The following KMT2B variants were observed in gnomAD, a reference collection of about 807,000 sequenced individuals.
The protein encoded by KMT2B is histone-lysine N-methyltransferase 2B.
Under a neutral mutation model 255.3 loss-of-function variants are expected in KMT2B, and 22 were observed. That is an observed-to-expected ratio of 0.09 (90% CI 0.06 to 0.12). The LOEUF is 0.12. KMT2B is among the 10% of genes least tolerant of loss of function. The pLI is 1.00. For synonymous variants in KMT2B, 1,730 were observed against 1,498.1 expected (o/e 1.15, Z -3.57); for missense variants, 3,149 against 3,737.0 (o/e 0.84, Z 4.10).
In KMT2B at chr19:35,737,573, C is replaced by A; in HGVS notation, c.7551-63C>A. On this transcript the variant is annotated intron_variant, in intron 33 of 36. Coordinates refer to ENST00000420124, the MANE Select transcript of KMT2B (RefSeq NM_014727.3). This position sits in a 1 kb window ranked among gnomAD's most constrained non-coding sequence, Gnocchi z 5.3. ...GCTGACATCAGAAAAATGAACCCCA[C>A]CCATTTCCCTGTTAGCTCTGTCTTC... 1 of 1,088,676 alleles carries A rather than the reference C, an allele frequency of 9.2e-7. No individual in the cohort carries two copies. Among genetic ancestry groups the A allele is most frequent in the South Asian group, 1.5e-5 (1 of 65,600 alleles). The allele number at this position is 1,088,676 out of a possible 1,614,324, so 67.4% of individuals were successfully genotyped here.
chr19:35,733,486 G>A lies in KMT2B; in HGVS notation c.6937G>A (p.Val2313Ile), dbSNP rs1400709490. 5 of 1,565,706 alleles carry A rather than the reference G, an allele frequency of 3.2e-6. No homozygotes were observed. The highest frequency in any genetic ancestry group is 2.7e-5 in the African/African-American group (2 of 73,476). ...AGAGGCCTCAGAGGATACCCCTCAG[G>A]TTCCAGGGCTTGGCAGTGGCGGGTG... ...DGEASEDTPQ[V>I]PGLGSGGFSR... The change falls in exon 28 of 37, where the codon GTT becomes ATT. Residue 2313 changes from valine (V) to isoleucine (I), a missense_variant. Transcript: ENST00000420124. The surrounding 1 kb of genome is among the most constrained non-coding windows in gnomAD (Gnocchi z 4.3).
Position 35,738,001 on chromosome 19 carries a change from G to T in KMT2B, c.7742+59G>T, listed in dbSNP as rs79019641. ...GTGGACGGACAGGTGCACTGGGTAG[G>T]GGGTACTGTCTGGTTTCTGTCCCCC... is the stretch of plus-strand genomic sequence containing the variant. On this transcript the variant is annotated intron_variant, in intron 35 of 36. Transcript: ENST00000420124. This position sits in a 1 kb window ranked among gnomAD's most constrained non-coding sequence, Gnocchi z 8.7. 6.2e-7 allele frequency: 1 copy of T among 1,612,100 alleles called. No individual in the cohort carries two copies. The highest frequency in any genetic ancestry group is 8.5e-7 in the Non-Finnish European group (1 of 1,179,116).
chr19:35,728,429 G>A (rs1236983584), intron 19 of KMT2B, among the ~76,000 whole-genome samples: 2 of 152,184 alleles, frequency 1.3e-5, no homozygotes, highest in African/African-American at 4.8e-5. Context: ...TCATTGTGGA[G>A]CCGGGCAGGC....
chr19:35,730,141 G>A lies in KMT2B; in HGVS notation c.5076+16G>A, dbSNP rs373432412. ...GGATGGCAAGGTGGGCCAGAACTGT[G>A]GGGTACACGGTTCCTTCCCCACCTC... On this transcript the variant is annotated intron_variant, in intron 23 of 36. Coordinates refer to ENST00000420124, the MANE Select transcript of KMT2B (RefSeq NM_014727.3). The A allele has an allele frequency of 1.9e-5, 31 of 1,613,376 alleles. No homozygotes were observed. The highest frequency in any genetic ancestry group is 3.3e-5 in the Admixed American group (2 of 59,938).
chr19:35,722,469 C>T lies in KMT2B; in HGVS notation c.2568C>T (p.Pro856=), dbSNP rs1599674583. The change falls in exon 4 of 37, where the codon CCC becomes CCT. Residue 856 remains proline (P), a synonymous_variant. Transcript: ENST00000420124. ...DESVEAKRER[P]SGPESPVQGP... ...CGGTGGAAGCTAAGAGAGAGCGGCC[C>T]TCAGTATGCATCGGGAGGAGGGCCC... The T allele has an allele frequency of 1.2e-6, 2 of 1,607,408 alleles. No homozygotes were observed. The highest frequency in any genetic ancestry group is 2.2e-5 in the East Asian group (1 of 44,866).
In KMT2B at chr19:35,733,792, C is replaced by T. The variant is rs764060591; in HGVS notation, c.7079C>T (p.Pro2360Leu). 1.2e-6 allele frequency: 2 copies of T among 1,613,676 alleles called. No homozygotes were observed. Among genetic ancestry groups the T allele is most frequent in the East Asian group, 2.2e-5 (1 of 44,852 alleles). Residue 2360 changes from proline to leucine, a missense_variant, in exon 30 of 37, where the codon CCA becomes CTA. Pro to Leu is a moderately conservative substitution (Grantham distance 98). Around this residue, in one of 18 missense-constraint regions of KMT2B, gnomAD observed 897 missense variants for 825.3 expected, o/e 1.09. Transcript: ENST00000420124. The surrounding 1 kb of genome is among the most constrained non-coding windows in gnomAD (Gnocchi z 4.3). ...CTCCAGGAACGGTCCCCTTTGCTGC[C>T]ACTTCCGGAAGATGGTCCTCCCCAG... ...GPLQERSPLLPLPEDGPPQVP... is the reference protein window; with the variant it reads ...GPLQERSPLLLLPEDGPPQVP...
Position 35,728,970 on chromosome 19 carries a change from A to C in KMT2B, c.4688-15A>C, listed in dbSNP as rs79812110. On this transcript the variant is annotated splice_polypyrimidine_tract_variant and intron_variant, in intron 20 of 36. Coordinates refer to ENST00000420124, the MANE Select transcript of KMT2B (RefSeq NM_014727.3). ...GGTCCTGATTCTTAGACCTCCCTTCACATTTCCTCTTCAGCATTCCAGGGC... is the reference window on the plus strand; with the variant it reads ...GGTCCTGATTCTTAGACCTCCCTTCCCATTTCCTCTTCAGCATTCCAGGGC... 8.0e-4 allele frequency: 1,287 copies of C among 1,613,752 alleles called. 2 individuals carry two copies. The Middle Eastern group carries it at 0.014, about 17-fold the overall frequency.
rs766234703 is a variant in KMT2B, at chr19:35,721,176, G to A, written c.1829G>A (p.Arg610His). 5.8e-6 allele frequency: 9 copies of A among 1,559,394 alleles called. No individual in the cohort carries two copies. The highest frequency in any genetic ancestry group is 1.9e-5 in the Admixed American group (1 of 52,660). Reference protein sequence around the residue: ...RRSILREPTFRWTSLTRELPP... With the variant: ...RRSILREPTFHWTSLTRELPP... ...TCCATCCTAAGGGAACCCACATTTC[G>A]CTGGACCTCACTGACCCGGGAGCTG... The change falls in exon 3 of 37, where the codon CGC becomes CAC. Residue 610 changes from arginine (R) to histidine (H), a missense_variant. Coordinates refer to ENST00000420124, the MANE Select transcript of KMT2B (RefSeq NM_014727.3).
rs1302665067 is a variant in KMT2B at position 35,725,210 on chromosome 19, C to G, written c.3529-10C>G. 1 of 1,609,788 alleles carries G rather than the reference C, an allele frequency of 6.2e-7. No individual in the cohort carries two copies. The highest frequency in any genetic ancestry group is 1.3e-5 in the African/African-American group (1 of 74,834). ...GCGGCCCTCTGATCCTGCATCCTCT[C>G]TTCCCCCAGGAGGATTGTGATTTAG... On this transcript the variant is annotated splice_polypyrimidine_tract_variant and intron_variant, in intron 10 of 36. Transcript: ENST00000420124. This position sits in a 1 kb window ranked among gnomAD's most constrained non-coding sequence, Gnocchi z 4.1.
chr19:35,722,287 G>T, intron 3 of KMT2B, 72 bp from the exon 4 acceptor site: 3 of 1,456,268 alleles, frequency 2.1e-6, no homozygotes, highest in Non-Finnish European at 2.8e-6. Flanking sequence ...ACAGGCATCA[G>T]CCACCACACC....
chr19:35,722,900 A>C lies in KMT2B; in HGVS notation c.2723-95A>C, dbSNP rs952137964. On this transcript the variant is annotated intron_variant, in intron 5 of 36. Coordinates refer to ENST00000420124, the MANE Select transcript of KMT2B (RefSeq NM_014727.3). ...GGGGCACCAGGAACCTGGCGCTGTG[A>C]GAAAGCGAGAGCCAGGTTGTGGGAA... 2.6e-5 allele frequency: 38 copies of C among 1,439,840 alleles called. 1 individual carries two copies. The South Asian group carries it at 5.5e-4, about 21-fold the overall frequency. 89.2% of individuals were successfully genotyped at this position (1,439,840 alleles called of 1,614,324 possible). A position where few individuals can be genotyped will look rare whatever the true frequency, so the allele number is the denominator to read the frequency against.
At position 35,726,317 on chromosome 19, in the gene KMT2B, A is replaced by G; in HGVS notation, c.3967A>G (p.Ser1323Gly). The G allele has an allele frequency of 6.2e-7, 1 of 1,613,748 alleles. No individual in the cohort carries two copies. The highest frequency in any genetic ancestry group is 8.5e-7 in the Non-Finnish European group (1 of 1,179,780). Residue 1323 changes from serine to glycine, a missense_variant, in exon 14 of 37, where the codon AGC (serine) becomes GGC (glycine). Around this residue, in one of 18 missense-constraint regions of KMT2B, gnomAD observed 377 missense variants for 471.0 expected, o/e 0.80. Transcript: ENST00000420124. ...GGACGTCGAGTGGTCTGGAGATTAC[A>G]GCCTCTGCCCCAGGTGCACCCAGCT... is the stretch of plus-strand genomic sequence containing the variant. Reference protein sequence around the residue: ...NWDVEWSGDYSLCPRCTQLYE... With the variant: ...NWDVEWSGDYGLCPRCTQLYE...
Position 35,738,045 on chromosome 19 carries a change from T to G in KMT2B, c.7743-17T>G. ...GTCCCCCTCCCCCCTGAGTTCCCTG[T>G]TCATCCTGCCCTGCAGATCAGCCAT... On this transcript the variant is annotated splice_polypyrimidine_tract_variant and intron_variant, in intron 35 of 36. Transcript: ENST00000420124. The surrounding 1 kb of genome is among the most constrained non-coding windows in gnomAD (Gnocchi z 8.7). 1 of 1,613,848 alleles carries G rather than the reference T, an allele frequency of 6.2e-7. No homozygotes were observed.
Position 35,720,613 on chromosome 19 carries a change from A to T in KMT2B, c.1266A>T (p.Thr422=). The stretch of plus-strand genomic sequence containing the variant: ...CTCCACCCCTCCCACCCCCTTCGAC[A>T]TCTCCTCCACCCCCACTCTGCCCTC... ...SPPPPLPPPS[T]SPPPPLCPPP... is the part of the protein sequence containing the mutation. The change falls in exon 3 of 37, where the codon ACA becomes ACT. Residue 422 remains threonine, a synonymous_variant. Transcript: ENST00000420124. 4 of 1,024,890 alleles carry T rather than the reference A, an allele frequency of 3.9e-6. No homozygotes were observed. The highest frequency in any genetic ancestry group is 5.1e-6 in the Non-Finnish European group (4 of 788,428). The allele number at this position is 1,024,890 out of a possible 1,614,324, so 63.5% of individuals were successfully genotyped here. A position where few individuals can be genotyped will look rare whatever the true frequency, so the allele number is the denominator to read the frequency against.
Position 35,720,297 on chromosome 19 carries a change from G to A in KMT2B, c.950G>A (p.Gly317Glu). 5 of 1,613,422 alleles carry A rather than the reference G, an allele frequency of 3.1e-6. No individual in the cohort carries two copies. Among genetic ancestry groups the A allele is most frequent in the Non-Finnish European group, 4.2e-6 (5 of 1,179,746 alleles). The change falls in exon 3 of 37, where the codon GGA (glycine) becomes GAA (glutamate). Residue 317 changes from glycine to glutamate, a missense_variant. Physicochemically the swap from Gly to Glu is moderately conservative, Grantham distance 98 (BLOSUM62 -2). Around this residue, in one of 18 missense-constraint regions of KMT2B, gnomAD observed 1,188 missense variants for 1,106.4 expected, o/e 1.07. Coordinates refer to ENST00000420124, the MANE Select transcript of KMT2B (RefSeq NM_014727.3). ...TCAAGGGCCAAAAAAGTAAAGATGG[G>A]ACAATTGTCCTTGGGACTCGAATCA... Reference protein sequence around the residue: ...FVSRAKKVKMGQLSLGLESGQ... With the variant: ...FVSRAKKVKMEQLSLGLESGQ...
In KMT2B at chr19:35,723,209, G is replaced by A. The variant is rs771795356; in HGVS notation, c.2937G>A (p.Gly979=). ...GCTGCCTACGTGTGCAGGACTGTGG[G>A]TCCTGTGTCAACTGCCTAGACAAGC... ...CRGCLRVQDC[G]SCVNCLDKPK... Residue 979 remains glycine, a synonymous_variant, in exon 6 of 37, where the codon GGG becomes GGA. Coordinates refer to ENST00000420124, the MANE Select transcript of KMT2B (RefSeq NM_014727.3). This position sits in a 1 kb window ranked among gnomAD's most constrained non-coding sequence, Gnocchi z 7.5. 1 of 1,613,390 alleles carries A rather than the reference G, an allele frequency of 6.2e-7. No individual in the cohort carries two copies. Among genetic ancestry groups the A allele is most frequent in the Admixed American group, 1.7e-5 (1 of 60,028 alleles).
rs766723081 is a variant in KMT2B, at chr19:35,732,636, C to T, written c.6087C>T (p.Ser2029=). Residue 2029 remains serine (S), a synonymous_variant, in exon 28 of 37, where the codon AGC becomes AGT. Coordinates refer to ENST00000420124, the MANE Select transcript of KMT2B (RefSeq NM_014727.3). ...GGGACAGCTCCGAGGAGGAGTCCAG[C>T]CCCACCTCCCGCTACATCCACTTCC... ...GPGDSSEEES[S]PTSRYIHFPV... 7 of 1,610,892 alleles carry T rather than the reference C, an allele frequency of 4.3e-6. No individual in the cohort carries two copies. The highest frequency in any genetic ancestry group is 4.5e-5 in the East Asian group (2 of 44,792).
Position 35,737,842 on chromosome 19 carries a change from C to T in KMT2B, c.7659-17C>T, listed in dbSNP as rs1436883406. The T allele has an allele frequency of 2.6e-6, 4 of 1,560,204 alleles. No homozygotes were observed. In the African/African-American group the frequency reaches 5.4e-5, roughly 21 times the overall value. ...ATTCTGAGCACCAGCCTGGGTGACA[C>T]TGCTGTCCCTCACCAGACGTGCCAC... On this transcript the variant is annotated splice_polypyrimidine_tract_variant and intron_variant, in intron 34 of 36. Transcript: ENST00000420124. This position sits in a 1 kb window ranked among gnomAD's most constrained non-coding sequence, Gnocchi z 5.3.
chr19:35,732,175 G>T, intron 27 of KMT2B, 40 bp downstream of exon 27: 1 of 1,570,054 alleles, frequency 6.4e-7, no homozygotes, highest in Non-Finnish European at 8.7e-7. Flanking sequence ...TGGAGCCGCG[G>T]AGGTGGGAGC....
Sources: allele counts gnomAD v4.1 joint callset (sites outside exome capture counted in the v4.1 genomes callset), GRCh38; gene constraint gnomAD v4.1.1; regional missense constraint gnomAD v4.1.1; non-coding constraint Gnocchi (gnomAD v3.1); transcripts MANE v1.5; gene names NCBI Gene and HGNC (gene_info 2026-07-23, HGNC 2026-07-21).